KIF16B: variants seen among roughly 807,000 people sequenced by gnomAD.
KIF16B encodes the protein kinesin-like protein KIF16B.
KIF16B carries 98 observed loss-of-function variants against 156.3 expected under a neutral mutation model. The ratio of observed to expected loss-of-function variants is 0.63; its 90% confidence interval spans 0.53 to 0.74. KIF16B has a LOEUF of 0.74. Ranked by LOEUF, KIF16B falls within the 30% of genes least tolerant of loss-of-function variation. KIF16B has a pLI of 0.00. For synonymous variants in KIF16B, 564 were observed against 583.7 expected, an observed-to-expected ratio of 0.97 and a Z score of 0.49; for missense variants, 1,421 against 1,606.5, an observed-to-expected ratio of 0.88 and a Z score of 1.97.
chr20:16,303,657 G>C (rs928019824), intron 25 of KIF16B, among the ~76,000 whole-genome samples: 1 of 152,208 alleles, frequency 6.6e-6, no homozygotes, highest in Non-Finnish European at 1.5e-5. Flanking sequence ...TTAACGGGCA[G>C]ATACTGTTCT....
chr20:16,488,168 G>A (rs1019989837), intron 12 of KIF16B, among the ~76,000 whole-genome samples: 5 of 152,158 alleles, frequency 3.3e-5, no homozygotes, highest in African/African-American at 1.2e-4. Context: ...GGACCTTATT[G>A]ATTAAAAAAT....
intron 22 of KIF16B, chr20:16,367,122 A>G: frequency 6.5e-7 from 1 of 1,535,834 alleles, no homozygotes; most frequent in Non-Finnish European, 8.7e-7. Flanking sequence ...AAAAACATGT[A>G]GTGCATCTTT....
intron 2 of KIF16B, among the ~76,000 whole-genome samples, chr20:16,526,621 G>C (rs2069554003): frequency 6.6e-6 from 1 of 152,196 alleles, no homozygotes; most frequent in Admixed American, 6.5e-5. Flanking sequence ...TTCTAGGTCA[G>C]ATGTCTCCTC....
At chr20:16,339,636 C>T (rs1047485543) in intron 23 of KIF16B, among the ~76,000 whole-genome samples, 5 of 152,168 alleles carry the variant, frequency 3.3e-5, no homozygotes, top group Admixed American at 6.6e-5. Flanking sequence ...TAATCTCATT[C>T]AAACCTGCTC....
At chr20:16,275,894 T>C in intron 25 of KIF16B, among the ~76,000 whole-genome samples, 1 of 152,192 alleles carries the variant, frequency 6.6e-6, no homozygotes, top group East Asian at 1.9e-4. Context: ...AACCAGCCAA[T>C]GCTCGCGGTG....
chr20:16,527,917 G>GT (rs1033049449), intron 2 of KIF16B, among the ~76,000 whole-genome samples: 16 of 151,828 alleles, frequency 1.1e-4, no homozygotes, highest in Admixed American at 3.3e-4. Context: ...AAATTTGGTG[G>GT]TTTTTTTTAA....
At chr20:16,290,302 G>C (rs771899378) in intron 25 of KIF16B, among the ~76,000 whole-genome samples, 32 of 152,148 alleles carry the variant, frequency 2.1e-4, no homozygotes, top group Non-Finnish European at 4.1e-4. Context: ...TCCCCTTCAG[G>C]GGAACTCCAC....
intron 7 of KIF16B, 71 bp downstream of exon 7, chr20:16,507,887 T>C (rs2068833816): frequency 1.3e-6 from 2 of 1,530,446 alleles, no homozygotes; most frequent in African/African-American, 1.4e-5. Context: ...CAATGATCAG[T>C]CCTCAGCTGG....
At chr20:16,507,613 C>T (rs1359689181) in intron 7 of KIF16B, among the ~76,000 whole-genome samples, 1 of 152,186 alleles carries the variant, frequency 6.6e-6, no homozygotes, top group Non-Finnish European at 1.5e-5. Context: ...CTCACCTTGG[C>T]TTCCAGCTGG....
At chr20:16,455,846 C>T (rs1215127656) in intron 12 of KIF16B, among the ~76,000 whole-genome samples, 1 of 152,112 alleles carries the variant, frequency 6.6e-6, no homozygotes, top group Non-Finnish European at 1.5e-5. Context: ...ATGTGCCTGG[C>T]TACCTGACTC....
At chr20:16,401,809 C>T (rs1228040772) in intron 17 of KIF16B, among the ~76,000 whole-genome samples, 2 of 152,146 alleles carry the variant, frequency 1.3e-5, no homozygotes, top group Non-Finnish European at 2.9e-5. Context: ...GGCTAAAGTG[C>T]AGATCCAAGC....
intron 17 of KIF16B, among the ~76,000 whole-genome samples, chr20:16,397,831 C>G (rs921601504): frequency 1.3e-5 from 2 of 152,334 alleles, no homozygotes; most frequent in African/African-American, 4.8e-5. Context: ...AAACAGCACA[C>G]AGGGACCACT....
At chr20:16,474,359 T>C (rs1010133960) in intron 12 of KIF16B, among the ~76,000 whole-genome samples, 1 of 152,218 alleles carries the variant, frequency 6.6e-6, no homozygotes, top group African/African-American at 2.4e-5. Flanking sequence ...TTGCAGGATT[T>C]TTATGCAATT....
rs2065050828 is a variant in KIF16B at position 16,379,895 on chromosome 20, G to C, written c.2107C>G (p.Leu703Val). The C allele has an allele frequency of 6.2e-7, 1 of 1,614,104 alleles. No homozygotes were observed. The highest frequency in any genetic ancestry group is 8.5e-7 in the Non-Finnish European group (1 of 1,180,046). ...CGTTGGAGTTCTTCTTGGACGCGGAGAAAGGTCTCTTCTTCTTGTCTCTTC... is the reference window on the plus strand; with the variant it reads ...CGTTGGAGTTCTTCTTGGACGCGGACAAAGGTCTCTTCTTCTTGTCTCTTC... ...QKKRQEEETF[L>V]RVQEELQRLK... Residue 703 changes from leucine (L) to valine (V), a missense_variant, in exon 19 of 26, where the codon CTC (leucine) becomes GTC (valine). Leu to Val is a conservative substitution (Grantham distance 32). Coordinates refer to ENST00000354981, the MANE Select transcript of KIF16B (RefSeq NM_024704.5).
intron 12 of KIF16B, among the ~76,000 whole-genome samples, chr20:16,437,239 A>G (rs2066665279): frequency 6.6e-6 from 1 of 152,226 alleles, no homozygotes; most frequent in Non-Finnish European, 1.5e-5. Context: ...TTTTTTTCTA[A>G]TATTTTCAAT....
chr20:16,333,214 T>C (rs2063979569), intron 24 of KIF16B, among the ~76,000 whole-genome samples: 1 of 152,152 alleles, frequency 6.6e-6, no homozygotes. Flanking sequence ...TGAGTTACAA[T>C]GTACCCACCT....
chr20:16,355,575 C>G (rs1312309921), intron 23 of KIF16B, among the ~76,000 whole-genome samples: 2 of 152,122 alleles, frequency 1.3e-5, no homozygotes, highest in Non-Finnish European at 2.9e-5. Context: ...ACATCAATAC[C>G]CTTGCTGATC....
intron 15 of KIF16B, among the ~76,000 whole-genome samples, chr20:16,410,475 T>A (rs746297227): frequency 6.6e-6 from 1 of 151,980 alleles, no homozygotes; most frequent in African/African-American, 2.4e-5. Context: ...TACTGGAATA[T>A]ATATAATGAG....
At chr20:16,294,201 C>A (rs988566397) in intron 25 of KIF16B, among the ~76,000 whole-genome samples, 1 of 152,036 alleles carries the variant, frequency 6.6e-6, no homozygotes, top group African/African-American at 2.4e-5. Flanking sequence ...CACAAAACAG[C>A]AATAAGTGTA....
Sources: allele counts gnomAD v4.1 joint callset (sites outside exome capture counted in the v4.1 genomes callset), GRCh38; gene constraint gnomAD v4.1.1; transcripts MANE v1.5; gene names NCBI Gene and HGNC (gene_info 2026-07-23, HGNC 2026-07-21).